SYN3: variants seen among roughly 807,000 people sequenced by gnomAD.
SYN3 encodes the protein synapsin-3.
In SYN3, 35 loss-of-function variants were observed where a neutral mutation model predicts 65.8. The observed-to-expected ratio is 0.53, with a 90% CI of 0.41 to 0.70. The LOEUF is 0.70. SYN3 is among the 30% of genes least tolerant of loss of function. The pLI is 0.00. For missense variants in SYN3, 680 were observed against 749.0 expected, an observed-to-expected ratio of 0.91 and a Z score of 1.08; for synonymous variants, 270 against 292.9, an observed-to-expected ratio of 0.92 and a Z score of 0.80.
At chr22:32,760,956 G>A (rs886600396) in intron 6 of SYN3, among the ~76,000 whole-genome samples, 7 of 152,192 alleles carry the variant, frequency 4.6e-5, no homozygotes, top group African/African-American at 2.4e-5. Flanking sequence ...ATTGTAAGGG[G>A]TTCCTGTCTT....
intron 6 of SYN3, among the ~76,000 whole-genome samples, chr22:32,675,924 T>C (rs2147086329): frequency 6.6e-6 from 1 of 152,246 alleles, no homozygotes; most frequent in Non-Finnish European, 1.5e-5. Context: ...CTGGTTGTTG[T>C]TGCATGAGGA....
At chr22:32,883,243 A>T (rs1014239461) in intron 4 of SYN3, among the ~76,000 whole-genome samples, 1 of 152,276 alleles carries the variant, frequency 6.6e-6, no homozygotes, top group South Asian at 2.1e-4. Context: ...AATTTTTAGG[A>T]CCATAACCCA....
At chr22:32,596,568 G>T in intron 7 of SYN3, 106 bp downstream of exon 7, 5 of 1,124,794 alleles carry the variant, frequency 4.4e-6, no homozygotes, top group East Asian at 2.5e-5. Context: ...ACTCTGTTCT[G>T]GGTGCCTGTG....
chr22:32,828,308 T>G (rs2047473717), intron 6 of SYN3, among the ~76,000 whole-genome samples: 1 of 152,200 alleles, frequency 6.6e-6, no homozygotes, highest in African/African-American at 2.4e-5. Flanking sequence ...ACGGGGCCAC[T>G]TAGGAGCAGA....
At chr22:32,541,203 C>T (rs527629259) in intron 8 of SYN3, among the ~76,000 whole-genome samples, 2 of 152,218 alleles carry the variant, frequency 1.3e-5, no homozygotes, top group African/African-American at 4.8e-5. Flanking sequence ...CAGATCAGAC[C>T]CTTTGCTCAG....
chr22:32,548,736 T>C (rs574643359), intron 7 of SYN3, among the ~76,000 whole-genome samples: 3 of 152,342 alleles, frequency 2.0e-5, no homozygotes, highest in African/African-American at 7.2e-5. Flanking sequence ...CAAAGATATA[T>C]AACATACAAC....
At chr22:32,795,459 A>G (rs1001316252) in intron 6 of SYN3, among the ~76,000 whole-genome samples, 1 of 152,220 alleles carries the variant, frequency 6.6e-6, no homozygotes, top group African/African-American at 2.4e-5. Flanking sequence ...AGGGGAAAAG[A>G]CAATGAGTTT....
chr22:32,833,659 G>A (rs2047643262), intron 6 of SYN3, among the ~76,000 whole-genome samples: 1 of 152,186 alleles, frequency 6.6e-6, no homozygotes, highest in South Asian at 2.1e-4. Flanking sequence ...GAGATGAGAA[G>A]TAGGGGCTCC....
At chr22:32,537,045 G>T (rs535848011) in intron 9 of SYN3, among the ~76,000 whole-genome samples, 2 of 152,306 alleles carry the variant, frequency 1.3e-5, no homozygotes, top group East Asian at 3.9e-4. Context: ...TGAGTTCACA[G>T]CCCATGCTCT....
chr22:32,781,729 G>A (rs2046071425), intron 6 of SYN3, among the ~76,000 whole-genome samples: 2 of 150,964 alleles, frequency 1.3e-5, no homozygotes, highest in Non-Finnish European at 2.9e-5. Context: ...GCTGAGCTAG[G>A]GCTGAGACAC....
At chr22:32,703,687 C>T (rs1394850654) in intron 6 of SYN3, among the ~76,000 whole-genome samples, 1 of 151,304 alleles carries the variant, frequency 6.6e-6, no homozygotes. Flanking sequence ...TTCTAAGTCT[C>T]ATCCAAAGGG....
At chr22:32,577,683 G>C (rs550017729) in intron 7 of SYN3, among the ~76,000 whole-genome samples, 1 of 152,148 alleles carries the variant, frequency 6.6e-6, no homozygotes, top group Non-Finnish European at 1.5e-5. Context: ...CTCACTCTGG[G>C]AGCTTATTTC....
chr22:32,622,342 G>A (rs2059607142), intron 6 of SYN3, among the ~76,000 whole-genome samples: 1 of 152,060 alleles, frequency 6.6e-6, no homozygotes, highest in Admixed American at 6.5e-5. Flanking sequence ...TCAAACTCTT[G>A]AAAGACAGAA....
At chr22:32,854,863 CA>C (rs1460372430) in intron 6 of SYN3, among the ~76,000 whole-genome samples, 1 of 152,118 alleles carries the variant, frequency 6.6e-6, no homozygotes, top group Non-Finnish European at 1.5e-5. Flanking sequence ...TTTAACAAGG[CA>C]GGGGCGCCCA....
At chr22:32,574,633 CTTTT>C (rs1326408972) in intron 7 of SYN3, among the ~76,000 whole-genome samples, 2 of 152,198 alleles carry the variant, frequency 1.3e-5, no homozygotes, top group Non-Finnish European at 2.9e-5. Context: ...CTCCCTCTCT[CTTTT>C]ACTTCCTAGA....
intron 1 of SYN3, among the ~76,000 whole-genome samples, chr22:33,026,506 C>T (rs2053643002): frequency 6.6e-6 from 1 of 152,174 alleles, no homozygotes; most frequent in Non-Finnish European, 1.5e-5. Context: ...GGTCAAAATA[C>T]TACACCCTAT....
In SYN3 at chr22:33,006,591, G is replaced by T. The variant is rs1186598374; in HGVS notation, c.72C>A (p.Asp24Glu). 4 of 1,613,836 alleles carry T rather than the reference G, an allele frequency of 2.5e-6. No individual in the cohort carries two copies. The South Asian group carries it at 4.4e-5, about 18-fold the overall frequency. Residue 24 changes from aspartate (D) to glutamate (E), a missense_variant, in exon 2 of 14, where the codon GAC becomes GAA. Asp to Glu is a conservative substitution (Grantham distance 45). Coordinates refer to ENST00000358763, the MANE Select transcript of SYN3 (RefSeq NM_003490.4). Reference sequence around the variant, plus strand: ...TGGTGGAGCTATCTGGGCGTTGCAGGTCCGTCATATAGCCATTAGGCAGGT... The same window carrying T: ...TGGTGGAGCTATCTGGGCGTTGCAGTTCCGTCATATAGCCATTAGGCAGGT... ...MANLPNGYMT[D>E]LQRPDSSTSS...
At chr22:32,922,205 C>T (rs564658790) in intron 4 of SYN3, among the ~76,000 whole-genome samples, 2 of 152,318 alleles carry the variant, frequency 1.3e-5, no homozygotes, top group Admixed American at 6.5e-5. Context: ...AGACATATGG[C>T]TTCTTTAAGC....
intron 4 of SYN3, among the ~76,000 whole-genome samples, chr22:32,888,104 T>C (rs1444343994): frequency 6.6e-6 from 1 of 152,220 alleles, no homozygotes; most frequent in Non-Finnish European, 1.5e-5. Context: ...CACATGCTTG[T>C]TGGCTATTTT....
Sources: gnomAD v4.1 joint callset for allele counts (sites outside exome capture counted in the v4.1 genomes callset) on GRCh38, gnomAD v4.1.1 for gene constraint, MANE v1.5 for transcripts, NCBI Gene and HGNC (gene_info 2026-07-23, HGNC 2026-07-21) for gene names.